The following ERC2 variants were observed in gnomAD, a reference collection of about 807,000 sequenced individuals.
ERC2 encodes the protein ELKS/RAB6-interacting/CAST family member 2.
Under a neutral mutation model 114.8 loss-of-function variants are expected in ERC2, and 42 were observed. That is an observed-to-expected ratio of 0.37 (90% CI 0.29 to 0.47). The LOEUF (loss-of-function observed/expected upper bound fraction) is 0.47, where lower values mean the gene tolerates loss of function less well. ERC2 is among the 20% of genes least tolerant of loss of function. ERC2 has a pLI of 0.99. For synonymous variants in ERC2, 454 were observed against 425.5 expected (o/e 1.07, Z -0.82); for missense variants, 939 against 1,150.7 (o/e 0.82, Z 2.66).
intron 4 of ERC2, among the ~76,000 whole-genome samples, chr3:56,151,106 A>T (rs1002240418): frequency 9.2e-5 from 14 of 152,180 alleles, no homozygotes; most frequent in Non-Finnish European, 1.3e-4. Context: ...AATCTCCATT[A>T]TTGAAGTCAC....
chr3:55,898,030 A>G (rs986640089), intron 13 of ERC2, among the ~76,000 whole-genome samples: 1 of 152,218 alleles, frequency 6.6e-6, no homozygotes. Context: ...ACAACGTTTC[A>G]CATTCTCCCT....
chr3:56,045,527 G>A (rs1183597836), intron 7 of ERC2, among the ~76,000 whole-genome samples: 3 of 152,064 alleles, frequency 2.0e-5, no homozygotes, highest in Non-Finnish European at 2.9e-5. Flanking sequence ...CTTCAGATGC[G>A]TTTCTATAGG....
At chr3:56,204,795 C>A (rs2048616645) in intron 3 of ERC2, among the ~76,000 whole-genome samples, 1 of 152,062 alleles carries the variant, frequency 6.6e-6, no homozygotes, top group Non-Finnish European at 1.5e-5. Flanking sequence ...GCCACCGCAC[C>A]CAGCCTAGAT....
chr3:55,570,519 G>T (rs2056644723), intron 17 of ERC2, among the ~76,000 whole-genome samples: 1 of 152,142 alleles, frequency 6.6e-6, no homozygotes, highest in Admixed American at 6.5e-5. Context: ...GGGCCAGGGG[G>T]AGCTGCAGCC....
At chr3:55,904,361 G>A (rs926578525) in intron 13 of ERC2, among the ~76,000 whole-genome samples, 14 of 152,126 alleles carry the variant, frequency 9.2e-5, no homozygotes, top group African/African-American at 3.4e-4. Context: ...AAATCAAGAT[G>A]CCCCCTGATC....
At position 55,752,737 on chromosome 3, in the gene ERC2, C is replaced by G. The variant is rs556357129; in HGVS notation, c.2565-17819G>C. On this transcript the variant is annotated intron_variant, in intron 14 of 17. Transcript: ENST00000288221. ...AATTAACTTACTCAAGTTTACATGG[C>G]TAGTAGATGGCAAAGTAGAGATTCG... 6.0e-5 allele frequency among the ~76,000 whole-genome samples: 9 copies of G among 150,688 alleles called. No individual in the cohort carries two copies. The East Asian group carries it at 1.6e-3, about 26-fold the overall frequency.
At chr3:56,376,661 G>C (rs1375888543) in intron 2 of ERC2, among the ~76,000 whole-genome samples, 2 of 152,036 alleles carry the variant, frequency 1.3e-5, no homozygotes, top group Admixed American at 1.3e-4. Flanking sequence ...TACTCAGGAG[G>C]CTGAGGCAGG....
intron 3 of ERC2, among the ~76,000 whole-genome samples, chr3:56,179,124 G>A (rs2083145986): frequency 6.6e-6 from 1 of 152,090 alleles, no homozygotes; most frequent in Non-Finnish European, 1.5e-5. Context: ...TTTGTGTTGG[G>A]CTGCATTCAA....
chr3:56,352,941 G>A (rs373879325), intron 2 of ERC2, among the ~76,000 whole-genome samples: 42 of 152,122 alleles, frequency 2.8e-4, no homozygotes, highest in African/African-American at 8.7e-4. Flanking sequence ...CTCCTTCCAA[G>A]CCAGACATTA....
chr3:55,595,950 C>A (rs1250248880), intron 17 of ERC2, among the ~76,000 whole-genome samples: 1 of 152,180 alleles, frequency 6.6e-6, no homozygotes, highest in Non-Finnish European at 1.5e-5. Flanking sequence ...TTACACCTCA[C>A]CCCATTAAAG....
chr3:55,754,386 A>G (rs1046051558), intron 14 of ERC2, among the ~76,000 whole-genome samples: 8 of 151,710 alleles, frequency 5.3e-5, no homozygotes, highest in African/African-American at 1.9e-4. Flanking sequence ...TAAAAATGAC[A>G]GTGTAACTAA....
chr3:56,165,233 ATATAT>A (rs72195842), intron 4 of ERC2, among the ~76,000 whole-genome samples: 69,647 of 151,226 alleles, frequency 0.46, 16,320 homozygotes, highest in East Asian at 0.68. Flanking sequence ...TTTGGAGAAC[ATATAT>A]TATATATGTT....
At chr3:56,135,593 G>A (rs147316599) in intron 6 of ERC2, among the ~76,000 whole-genome samples, 297 of 152,320 alleles carry the variant, frequency 1.9e-3, no homozygotes, top group African/African-American at 6.7e-3. Context: ...ATAGATGTAT[G>A]AGGCTGATAC....
In ERC2 at chr3:56,397,348, T is replaced by TA. The variant is rs57041870; in HGVS notation, c.657+37002dup. 8.1e-3 allele frequency among the ~76,000 whole-genome samples: 1,117 copies of TA among 137,378 alleles called. 7 individuals are homozygous for TA. The highest frequency in any genetic ancestry group is 0.023 in the African/African-American group (845 of 37,200). 90.1% of individuals were successfully genotyped at this position (137,378 alleles called of 152,430 possible). A position where few individuals can be genotyped will look rare whatever the true frequency, so the allele number is the denominator to read the frequency against. ...TGGGCAACAGAGCACATATCTGTCT[T>TA]AAAAAAAAAAAAAAAAAGAAGAAGA... On this transcript the variant is annotated intron_variant, in intron 2 of 17. Coordinates refer to ENST00000288221, the MANE Select transcript of ERC2 (RefSeq NM_015576.3).
At chr3:55,705,453 A>G (rs1018372090) in intron 15 of ERC2, among the ~76,000 whole-genome samples, 6 of 152,262 alleles carry the variant, frequency 3.9e-5, no homozygotes, top group Admixed American at 6.5e-5. Context: ...AAGAGCAGGA[A>G]ATGTATGTGA....
chr3:55,828,856 A>G (rs1451391030), intron 14 of ERC2, among the ~76,000 whole-genome samples: 1 of 152,190 alleles, frequency 6.6e-6, no homozygotes, highest in Non-Finnish European at 1.5e-5. Flanking sequence ...CAAAATATTC[A>G]GGCCTGGTGA....
chr3:56,067,144 G>A (rs779551009), intron 7 of ERC2, among the ~76,000 whole-genome samples: 5 of 152,140 alleles, frequency 3.3e-5, no homozygotes, highest in East Asian at 3.8e-4. Flanking sequence ...ATTACTTTGG[G>A]CAGCATGGCC....
intron 13 of ERC2, among the ~76,000 whole-genome samples, chr3:55,912,572 A>G (rs1218343666): frequency 6.6e-6 from 1 of 152,206 alleles, no homozygotes; most frequent in African/African-American, 2.4e-5. Flanking sequence ...CTCTAAACTA[A>G]TAAAGAGCCA....
intron 17 of ERC2, among the ~76,000 whole-genome samples, chr3:55,573,078 A>T (rs1252957457): frequency 1.3e-5 from 2 of 152,136 alleles, no homozygotes; most frequent in Non-Finnish European, 2.9e-5. Context: ...AGTGTTCTCC[A>T]CTTATACCAC....
Sources: gnomAD v4.1 joint callset for allele counts (sites outside exome capture counted in the v4.1 genomes callset) on GRCh38, gnomAD v4.1.1 for gene constraint, MANE v1.5 for transcripts, NCBI Gene and HGNC (gene_info 2026-07-23, HGNC 2026-07-21) for gene names.